Variants in POMT2 observed in about 807,000 individuals in gnomAD.
POMT2 encodes the protein protein O-mannosyltransferase 2, also known as protein O-mannosyl-transferase 2.
Under a neutral mutation model 100.0 loss-of-function variants are expected in POMT2, and 75 were observed. The ratio of observed to expected loss-of-function variants is 0.75; its 90% CI spans 0.62 to 0.91. POMT2 has a LOEUF of 0.91. POMT2 is among the 40% of genes least tolerant of loss of function. POMT2 has a pLI of 0.00. For synonymous variants in POMT2, 378 were observed against 374.1 expected (o/e 1.01, Z -0.12); for missense variants, 940 against 955.1 (o/e 0.98, Z 0.21).
chr14:77,304,889 G>A (rs1358253529), intron 3 of POMT2, 89 bp from the exon 4 acceptor site: 3 of 1,535,228 alleles, frequency 2.0e-6, no homozygotes, highest in Non-Finnish European at 2.6e-6. Context: ...TTTAAGACAG[G>A]GGACCTGATG....
rs1021621093 is a variant in POMT2 at position 77,276,773 on chromosome 14, G to A, written c.*603C>T. 3.3e-5 allele frequency: 5 copies of A among 153,068 alleles called. No individual in the cohort carries two copies. Among genetic ancestry groups the A allele is most frequent in the African/African-American group, 1.2e-4 (5 of 41,464 alleles). 9.5% of individuals were successfully genotyped at this position (153,068 alleles called of 1,614,324 possible). A position where few individuals can be genotyped will look rare whatever the true frequency, so the allele number is the denominator to read the frequency against. Reference sequence around the variant, plus strand: ...GTGGGAGCCAGGCCCTCCAGCTCGGGGCGGCGCGCCTTCCTCCACGCTGGA... The same window carrying A: ...GTGGGAGCCAGGCCCTCCAGCTCGGAGCGGCGCGCCTTCCTCCACGCTGGA... On this transcript the variant is annotated 3_prime_UTR_variant, in exon 21 of 21. Coordinates refer to ENST00000261534, the MANE Select transcript of POMT2 (RefSeq NM_013382.7).
Position 77,288,937 on chromosome 14 carries a change from G to C in POMT2, c.1184-106C>G. The C allele has an allele frequency of 3.1e-6, 3 of 953,696 alleles. No homozygotes were observed. The South Asian group carries it at 4.0e-5, about 13-fold the overall frequency. 59.1% of individuals were successfully genotyped at this position (953,696 alleles called of 1,614,324 possible). On this transcript the variant is annotated intron_variant, in intron 10 of 20. Transcript: ENST00000261534. The stretch of plus-strand genomic sequence containing the variant: ...TAGTACCATGTGGTATCTGCTAGAG[G>C]TACTAACCAGGTACTCTGAGACCAA...
intron 11 of POMT2, chr14:77,287,711 G>A (rs1566648913): frequency 6.6e-6 from 1 of 151,770 alleles, no homozygotes; most frequent in Non-Finnish European, 1.5e-5. Flanking sequence ...GTTACTTTTG[G>A]GTGTGTACTA....
Position 77,288,755 on chromosome 14 carries a change from GACTT to G in POMT2, c.1253+3_1253+6del. 6.2e-7 allele frequency: 1 copy of G among 1,612,626 alleles called. No individual in the cohort carries two copies. The highest frequency in any genetic ancestry group is 2.2e-5 in the East Asian group (1 of 44,836). ...CATTTATTTATCCAAACTGCAAATT[GACTT>G]ACTCTTTGTGTTCTAGTCGAATAAT... On this transcript the variant is annotated splice_donor_5th_base_variant and intron_variant, in intron 11 of 20. Coordinates refer to ENST00000261534, the MANE Select transcript of POMT2 (RefSeq NM_013382.7).
chr14:77,280,509 G>A, intron 15 of POMT2, 46 bp from the exon 16 acceptor site: 10 of 1,613,648 alleles, frequency 6.2e-6, no homozygotes, highest in East Asian at 4.5e-5. Context: ...GAGATCTAGA[G>A]GGCTGACAGA....
rs1890941664 is a variant in POMT2 at position 77,299,442 on chromosome 14, GCT to G, written c.923+11_923+12del. On this transcript the variant is annotated intron_variant, in intron 7 of 20. Coordinates refer to ENST00000261534, the MANE Select transcript of POMT2 (RefSeq NM_013382.7). ...AAACCAGAAGCAAGATGCTGCAAAGGCTCTGTCTGTACCTTTTACTCAGCACC... is the reference window on the plus strand; with the variant it reads ...AAACCAGAAGCAAGATGCTGCAAAGGCTGTCTGTACCTTTTACTCAGCACC... 1.9e-6 allele frequency: 3 copies of G among 1,608,788 alleles called. No individual in the cohort carries two copies. Among genetic ancestry groups the G allele is most frequent in the Non-Finnish European group, 2.6e-6 (3 of 1,175,506 alleles).
chr14:77,292,691 G>T (rs1890679777), intron 9 of POMT2, among the ~76,000 whole-genome samples: 1 of 152,194 alleles, frequency 6.6e-6, no homozygotes, highest in South Asian at 2.1e-4. Context: ...TATAATGGTT[G>T]CCCCATAAGA....
rs570180158 is a variant in POMT2 at position 77,306,255 on chromosome 14, C to A, written c.438+82G>T. ...GTCCCTTTATTTGCACCTGCCACCA[C>A]GCCAGGGCTGCTAACTATAACATTT... On this transcript the variant is annotated intron_variant, in intron 3 of 20. Transcript: ENST00000261534. 1,023 of 1,586,480 alleles carry A rather than the reference C, an allele frequency of 6.4e-4. 3 individuals carry two copies. In the African/African-American group the frequency reaches 0.011, roughly 18 times the overall value.
intron 16 of POMT2, 129 bp from the exon 17 acceptor site, chr14:77,280,209 C>A: frequency 6.4e-7 from 1 of 1,573,060 alleles, no homozygotes; most frequent in African/African-American, 1.4e-5. Context: ...GCAAATTCTA[C>A]ACGAGCTCTC....
intron 8 of POMT2, chr14:77,296,563 T>G: frequency 2.3e-6 from 1 of 436,866 alleles, no homozygotes; most frequent in South Asian, 2.5e-5. Flanking sequence ...CAACTTGTCC[T>G]TCTCAAGGTC....
chr14:77,315,990 G>A (rs552301200), intron 1 of POMT2, among the ~76,000 whole-genome samples: 1 of 152,292 alleles, frequency 6.6e-6, no homozygotes, highest in African/African-American at 2.4e-5. Context: ...CAGCCTGGGC[G>A]ACAGAGCGAG....
intron 1 of POMT2, among the ~76,000 whole-genome samples, chr14:77,315,926 G>C (rs1891607709): frequency 6.6e-6 from 1 of 152,230 alleles, no homozygotes; most frequent in Non-Finnish European, 1.5e-5. Flanking sequence ...GCAGAGAATT[G>C]CTTGAAGCCA....
chr14:77,284,647 A>G (rs894420604), intron 14 of POMT2, among the ~76,000 whole-genome samples: 3 of 152,128 alleles, frequency 2.0e-5, no homozygotes, highest in Admixed American at 6.6e-5. Context: ...GCTTGCTCCA[A>G]GCCTGGAGGC....
chr14:77,279,683 C>G (rs755147872), intron 18 of POMT2, 140 bp downstream of exon 18: 1 of 864,418 alleles, frequency 1.2e-6, no homozygotes, highest in Non-Finnish European at 1.9e-6. Context: ...GGGGTTGTTA[C>G]CTTTCAAAAG....
intron 16 of POMT2, 73 bp downstream of exon 16, chr14:77,280,319 C>T (rs1193172767): frequency 3.7e-6 from 6 of 1,605,056 alleles, no homozygotes; most frequent in East Asian, 4.5e-5. Context: ...TACACCCACC[C>T]CCGCCTCCAC....
chr14:77,297,905 C>T (rs1436458945), intron 8 of POMT2, among the ~76,000 whole-genome samples: 2 of 152,194 alleles, frequency 1.3e-5, no homozygotes, highest in Non-Finnish European at 2.9e-5. Flanking sequence ...CCTTCCTGGC[C>T]TCCTGGCTGC....
chr14:77,277,244 C>G lies in POMT2; in HGVS notation c.*132G>C. ...TTCCATTCCAGCTGCACTCCCAGAG[C>G]TGGGTCCTGGTGAGCAGCAGAATTC... On this transcript the variant is annotated 3_prime_UTR_variant, in exon 21 of 21. Transcript: ENST00000261534. 1 of 770,588 alleles carries G rather than the reference C, an allele frequency of 1.3e-6. No individual in the cohort carries two copies. The highest frequency in any genetic ancestry group is 2.2e-6 in the Non-Finnish European group (1 of 451,850). The allele number at this position is 770,588 out of a possible 1,614,324, so 47.7% of individuals were successfully genotyped here. A position where few individuals can be genotyped will look rare whatever the true frequency, so the allele number is the denominator to read the frequency against.
intron 5 of POMT2, among the ~76,000 whole-genome samples, chr14:77,302,580 C>T (rs552186582): frequency 2.2e-4 from 33 of 152,228 alleles, no homozygotes; most frequent in East Asian, 9.6e-4. Context: ...AATAATAATA[C>T]GCTTGAAAAA....
At position 77,316,688 on chromosome 14, in the gene POMT2, G is replaced by A. The variant is rs555093176; in HGVS notation, c.248+3746C>T. Among the ~76,000 whole-genome samples, 187 of 151,848 alleles carry A rather than the reference G, an allele frequency of 1.2e-3. 1 individual carries two copies. Among genetic ancestry groups the A allele is most frequent in the Non-Finnish European group, 2.2e-3 (147 of 67,956 alleles). On this transcript the variant is annotated intron_variant, in intron 1 of 20. Transcript: ENST00000261534. ...ACAACCTTCTCTGCTACCTGAAGCC[G>A]AGCTGCTGTTCAGTAGGGCCCTTGA... is the stretch of plus-strand genomic sequence containing the variant.
Sources: allele counts gnomAD v4.1 joint callset (sites outside exome capture counted in the v4.1 genomes callset), GRCh38; gene constraint gnomAD v4.1.1; transcripts MANE v1.5; gene names NCBI Gene and HGNC (gene_info 2026-07-23, HGNC 2026-07-21).